Variants in C8orf34 observed in about 807,000 individuals in gnomAD.
C8orf34 encodes the protein chromosome 8 open reading frame 34.
In C8orf34, 65 loss-of-function variants were observed where a neutral mutation model predicts 68.3. The observed-to-expected ratio is 0.95, with a 90% CI of 0.78 to 1.17. The LOEUF is 1.17. C8orf34 is among the 50% of genes most tolerant of loss of function. The pLI is 0.00. For synonymous variants in C8orf34, 244 were observed against 241.2 expected (o/e 1.01, Z -0.11); for missense variants, 664 against 655.4 (o/e 1.01, Z -0.14).
intron 11 of C8orf34, among the ~76,000 whole-genome samples, chr8:68,783,702 T>C (rs964632714): frequency 1.3e-5 from 2 of 152,042 alleles, no homozygotes; most frequent in African/African-American, 4.8e-5. Context: ...ACTTCTTACA[T>C]ATATTGATTG....
intron 8 of C8orf34, among the ~76,000 whole-genome samples, chr8:68,657,614 C>A (rs183242268): frequency 4.4e-4 from 67 of 152,304 alleles, no homozygotes; most frequent in Non-Finnish European, 4.9e-4. Context: ...AAATGAAAAG[C>A]AATTGCTTCT....
chr8:68,744,163 A>T (rs1211307802), intron 10 of C8orf34, among the ~76,000 whole-genome samples: 1 of 152,204 alleles, frequency 6.6e-6, no homozygotes, highest in Non-Finnish European at 1.5e-5. Context: ...ACAGACCTTC[A>T]GCTGAGGGTC....
At chr8:68,616,946 G>A (rs1358133542) in intron 7 of C8orf34, among the ~76,000 whole-genome samples, 1 of 152,136 alleles carries the variant, frequency 6.6e-6, no homozygotes, top group East Asian at 1.9e-4. Flanking sequence ...GGTCACTCAG[G>A]ACTTGCTTTA....
At chr8:68,471,121 A>G (rs975454452) in intron 4 of C8orf34, among the ~76,000 whole-genome samples, 2 of 152,176 alleles carry the variant, frequency 1.3e-5, no homozygotes. Flanking sequence ...TAGTGAGGCC[A>G]GAATGAAGTG....
Position 68,533,090 on chromosome 8 carries a change from C to T in C8orf34, c.1046C>T (p.Pro349Leu), listed in dbSNP as rs77860035. 1.9e-6 allele frequency: 3 copies of T among 1,612,140 alleles called. No homozygotes were observed. The highest frequency in any genetic ancestry group is 2.7e-5 in the African/African-American group (2 of 74,960). The change falls in exon 7 of 14, where the codon CCT becomes CTT. Residue 349 changes from proline (P) to leucine (L), a missense_variant. Pro to Leu is a moderately conservative substitution (Grantham distance 98). Transcript: ENST00000518698. ...SQDSFESIHSPTPSVTEEDID... is the reference protein window; with the variant it reads ...SQDSFESIHSLTPSVTEEDID... The stretch of plus-strand genomic sequence containing the variant: ...GATTCTTTTGAGTCCATCCACAGCC[C>T]TACCCCATCTGTAACAGAAGAAGAT...
intron 3 of C8orf34, among the ~76,000 whole-genome samples, chr8:68,457,006 G>A (rs987667074): frequency 2.0e-5 from 3 of 152,136 alleles, no homozygotes; most frequent in African/African-American, 4.8e-5. Flanking sequence ...AGTGAATGCT[G>A]ATCCTTTATA....
At chr8:68,653,978 G>A (rs1819439145) in intron 8 of C8orf34, among the ~76,000 whole-genome samples, 1 of 152,062 alleles carries the variant, frequency 6.6e-6, no homozygotes, top group Non-Finnish European at 1.5e-5. Context: ...CAACCACAAT[G>A]TTTTAATACA....
chr8:68,611,134 G>T (rs1378884251), intron 7 of C8orf34, among the ~76,000 whole-genome samples: 1 of 152,142 alleles, frequency 6.6e-6, no homozygotes, highest in Non-Finnish European at 1.5e-5. Flanking sequence ...AAAGTGCTGG[G>T]ATTACAGGCG....
intron 7 of C8orf34, among the ~76,000 whole-genome samples, chr8:68,581,146 A>C (rs1006325938): frequency 6.6e-6 from 1 of 152,192 alleles, no homozygotes; most frequent in Non-Finnish European, 1.5e-5. Flanking sequence ...AATAAGACCC[A>C]AAGAAACTGG....
chr8:68,570,025 T>G (rs761607840), intron 7 of C8orf34, among the ~76,000 whole-genome samples: 22 of 152,138 alleles, frequency 1.4e-4, no homozygotes, highest in Non-Finnish European at 3.1e-4. Flanking sequence ...CATTGCACAC[T>G]CCCTCTCTTT....
intron 7 of C8orf34, among the ~76,000 whole-genome samples, chr8:68,594,124 T>G (rs1459247560): frequency 2.0e-5 from 3 of 152,098 alleles, no homozygotes; most frequent in Non-Finnish European, 4.4e-5. Context: ...TTGGGATATT[T>G]TTTAGAATGG....
chr8:68,484,977 T>C (rs1385381631), intron 4 of C8orf34, among the ~76,000 whole-genome samples: 5 of 152,122 alleles, frequency 3.3e-5, no homozygotes, highest in African/African-American at 1.2e-4. Flanking sequence ...GACCAAAGAG[T>C]TGGCATAATT....
intron 8 of C8orf34, among the ~76,000 whole-genome samples, chr8:68,669,118 A>AT (rs1373148571): frequency 6.6e-6 from 1 of 152,186 alleles, no homozygotes; most frequent in Non-Finnish European, 1.5e-5. Flanking sequence ...TAAAAAACGA[A>AT]TAACTCACCT....
intron 5 of C8orf34, among the ~76,000 whole-genome samples, chr8:68,514,519 C>A (rs1433684908): frequency 3.3e-5 from 5 of 152,192 alleles, no homozygotes; most frequent in Non-Finnish European, 7.3e-5. Flanking sequence ...CTGATGGTTT[C>A]TCTTCTTTTC....
intron 10 of C8orf34, among the ~76,000 whole-genome samples, chr8:68,750,871 T>C (rs1196856700): frequency 6.6e-6 from 1 of 152,142 alleles, no homozygotes; most frequent in African/African-American, 2.4e-5. Context: ...CAGGTGTTGT[T>C]AATTCCATTT....
At chr8:68,734,343 G>A (rs1400168782) in intron 10 of C8orf34, among the ~76,000 whole-genome samples, 1 of 152,060 alleles carries the variant, frequency 6.6e-6, no homozygotes, top group African/African-American at 2.4e-5. Flanking sequence ...GGAAGTGGAA[G>A]TCATTAACCT....
intron 6 of C8orf34, among the ~76,000 whole-genome samples, chr8:68,527,453 T>C (rs1295465052): frequency 2.0e-5 from 3 of 152,012 alleles, no homozygotes; most frequent in East Asian, 3.9e-4. Context: ...GCGCCTGTAG[T>C]CCCAGCTACT....
At chr8:68,481,258 AG>A (rs1812846877) in intron 4 of C8orf34, among the ~76,000 whole-genome samples, 1 of 152,248 alleles carries the variant, frequency 6.6e-6, no homozygotes, top group Non-Finnish European at 1.5e-5. Flanking sequence ...TCAAGAACTG[AG>A]GTTTGGGAAC....
Position 68,521,864 on chromosome 8 carries a change from A to C in C8orf34, c.831A>C (p.Glu277Asp). 6.2e-7 allele frequency: 1 copy of C among 1,614,128 alleles called. No individual in the cohort carries two copies. ...TGATTGGAGAATGGATTGGTAGAGA[A>C]GAAAATGATGCTGATCCCCTAGCTG... is the stretch of plus-strand genomic sequence containing the variant. ...PRVIGEWIGR[E>D]ENDADPLAAE... Residue 277 changes from glutamate (E) to aspartate (D), a missense_variant, in exon 6 of 14, where the codon GAA becomes GAC. Glu to Asp is a conservative substitution (Grantham distance 45). Coordinates refer to ENST00000518698, the MANE Select transcript of C8orf34 (RefSeq NM_052958.4).
Sources: allele counts gnomAD v4.1 joint callset (sites outside exome capture counted in the v4.1 genomes callset), GRCh38; gene constraint gnomAD v4.1.1; transcripts MANE v1.5; gene names NCBI Gene and HGNC (gene_info 2026-07-23, HGNC 2026-07-21).